Variants in ACACB observed in about 807,000 individuals in gnomAD.
ACACB encodes acetyl-CoA carboxylase beta.
In ACACB, 209 loss-of-function variants were observed where a neutral mutation model predicts 278.8. That is an observed-to-expected ratio of 0.75 (90% CI 0.67 to 0.84). The LOEUF (loss-of-function observed/expected upper bound fraction) is 0.84. ACACB is among the 40% of genes least tolerant of loss of function. ACACB has a pLI of 0.00. For missense variants in ACACB, 2,850 were observed against 3,269.0 expected, an observed-to-expected ratio of 0.87 and a Z score of 3.13; for synonymous variants, 1,174 against 1,285.6, an observed-to-expected ratio of 0.91 and a Z score of 1.86.
chr12:109,224,341 G>A (rs1261473925), intron 27 of ACACB, among the ~76,000 whole-genome samples: 3 of 151,612 alleles, frequency 2.0e-5, no homozygotes. Flanking sequence ...AGGAGCCCAG[G>A]TGACAACTTA....
Position 109,241,181 on chromosome 12 carries a change from C to G in ACACB, c.4922C>G (p.Thr1641Ser). The G allele has an allele frequency of 2.5e-6, 4 of 1,614,190 alleles. No homozygotes were observed. The highest frequency in any genetic ancestry group is 3.4e-6 in the Non-Finnish European group (4 of 1,180,032). Residue 1641 changes from threonine (T) to serine (S), a missense_variant, in exon 36 of 53, where the codon ACC becomes AGC. By Grantham distance (58) the Thr-to-Ser change is moderately conservative. Transcript: ENST00000338432. ...AAGATCAACATCCGCCAGACCACCACCGGCAGTGCCGTTCCCATCCGCCTG... is the reference window on the plus strand; with the variant it reads ...AAGATCAACATCCGCCAGACCACCAGCGGCAGTGCCGTTCCCATCCGCCTG... ...EVKINIRQTT[T>S]GSAVPIRLFI...
At chr12:109,201,767 G>A in intron 19 of ACACB, 66 bp downstream of exon 19, 2 of 1,576,132 alleles carry the variant, frequency 1.3e-6, no homozygotes, top group South Asian at 2.3e-5. Context: ...CACTGGTTCA[G>A]TGAGACAGGT....
chr12:109,129,544 A>G (rs757832660), intron 1 of ACACB, among the ~76,000 whole-genome samples: 25 of 152,266 alleles, frequency 1.6e-4, no homozygotes, highest in Admixed American at 7.2e-4. Context: ...AATAACTGAA[A>G]AAATGGTCTC....
chr12:109,258,360 C>G lies in ACACB; in HGVS notation c.6356C>G (p.Ala2119Gly), dbSNP rs140894382. The change falls in exon 46 of 53, where the codon GCC becomes GGC. Residue 2119 changes from alanine to glycine, a missense_variant. Transcript: ENST00000338432. ...PADPANLDSE[A>G]KIIQQAGQVW... ...GACCCTGCCAACCTGGATTCTGAGG[C>G]CAAGGTGAGGGGGCCGGGAGCTGTG... 6.2e-7 allele frequency: 1 copy of G among 1,610,656 alleles called. No homozygotes were observed. Among genetic ancestry groups the G allele is most frequent in the Non-Finnish European group, 8.5e-7 (1 of 1,179,322 alleles).
rs2043062291 is a variant in ACACB at position 109,139,980 on chromosome 12, G to GTT, written c.575_576insTT (p.Arg193SerfsTer14). The GTT allele has an allele frequency of 4.3e-6, 7 of 1,613,422 alleles. No homozygotes were observed. Among genetic ancestry groups the GTT allele is most frequent in the Middle Eastern group, 3.3e-4 (2 of 6,082 alleles). ...TCTCGTGAGTCTACCCGGAAGGGCA[G>GTT]CCGGGCCAGCTTGGGGGCCCTGTCC... On this transcript the variant is annotated frameshift_variant, in exon 2 of 53. Coordinates refer to ENST00000338432, the MANE Select transcript of ACACB (RefSeq NM_001093.4). LOFTEE classifies it high-confidence loss of function.
intron 1 of ACACB, among the ~76,000 whole-genome samples, chr12:109,123,555 T>G (rs1441029462): frequency 6.6e-6 from 1 of 151,832 alleles, no homozygotes; most frequent in Non-Finnish European, 1.5e-5. Context: ...TAGCCAGGCC[T>G]GGTGGCATGC....
chr12:109,264,997 A>C, intron 50 of ACACB, 113 bp from the exon 51 acceptor site: 2 of 1,190,676 alleles, frequency 1.7e-6, no homozygotes, highest in Non-Finnish European at 2.4e-6. Flanking sequence ...TGATCTGGGA[A>C]TGATCTCAGA....
intron 28 of ACACB, among the ~76,000 whole-genome samples, chr12:109,232,428 T>C (rs900446278): frequency 6.6e-6 from 1 of 152,242 alleles, no homozygotes; most frequent in Admixed American, 6.5e-5. Context: ...TGGACTCTCA[T>C]GCATGAATCA....
intron 1 of ACACB, among the ~76,000 whole-genome samples, chr12:109,129,917 G>A (rs574923665): frequency 8.5e-5 from 13 of 152,350 alleles, no homozygotes; most frequent in Admixed American, 7.8e-4. Context: ...CACCTGCCTG[G>A]TTCTTTCTGT....
At chr12:109,193,778 A>C (rs1199148102) in intron 16 of ACACB, 49 bp downstream of exon 16, 2 of 1,514,948 alleles carry the variant, frequency 1.3e-6, no homozygotes, top group South Asian at 2.3e-5. Context: ...TGCAAGCTTC[A>C]GGGAGTTTCT....
chr12:109,114,239 G>A (rs933205996), upstream of ACACB, among the ~76,000 whole-genome samples: 1 of 152,150 alleles, frequency 6.6e-6, no homozygotes, highest in African/African-American at 2.4e-5. Flanking sequence ...AAATATTGGT[G>A]AGCGGAGCAG....
At chr12:109,184,851 T>G (rs2044599301) in intron 11 of ACACB, among the ~76,000 whole-genome samples, 1 of 151,932 alleles carries the variant, frequency 6.6e-6, no homozygotes, top group Non-Finnish European at 1.5e-5. Context: ...GGACCACAGG[T>G]GCAAGTCACC....
chr12:109,188,243 C>T, intron 13 of ACACB, 81 bp downstream of exon 13: 1 of 1,343,634 alleles, frequency 7.4e-7, no homozygotes, highest in Non-Finnish European at 1.0e-6. Context: ...CCCTCTCTCC[C>T]TTCTTCCCCT....
chr12:109,244,136 T>C (rs544436462), intron 37 of ACACB, among the ~76,000 whole-genome samples: 1 of 152,142 alleles, frequency 6.6e-6, no homozygotes, highest in South Asian at 2.1e-4. Flanking sequence ...GCAAACAAAT[T>C]TACAAGAAAA....
intron 2 of ACACB, among the ~76,000 whole-genome samples, chr12:109,140,325 TC>T (rs879808409): frequency 0.059 from 8,300 of 141,302 alleles, 881 homozygotes; most frequent in East Asian, 0.31. Flanking sequence ...CTTCCTTCCT[TC>T]CTTCCTTCCT....
intron 44 of ACACB, among the ~76,000 whole-genome samples, chr12:109,254,630 C>T (rs11065994): frequency 3.3e-5 from 5 of 152,022 alleles, no homozygotes; most frequent in Admixed American, 6.5e-5. Context: ...CTCCATGCTC[C>T]GTGGTCTCTA....
chr12:109,242,358 A>G lies in ACACB; in HGVS notation c.5023-79A>G, dbSNP rs2046822949. On this transcript the variant is annotated intron_variant, in intron 36 of 52. Transcript: ENST00000338432. Reference sequence around the variant, plus strand: ...CTTTGCTTCCCCCACCTGCATTTTCATTGAGGACTGGGCAGAAATAAATTG... The same window carrying G: ...CTTTGCTTCCCCCACCTGCATTTTCGTTGAGGACTGGGCAGAAATAAATTG... The G allele has an allele frequency of 1.5e-5, 23 of 1,501,370 alleles. 1 individual carries two copies. The South Asian group carries it at 2.9e-4, about 19-fold the overall frequency. 93.0% of individuals were successfully genotyped at this position (1,501,370 alleles called of 1,614,324 possible).
In ACACB at chr12:109,238,343, T is replaced by C. The variant is rs1421126389; in HGVS notation, c.4662+963T>C. 2.6e-5 allele frequency among the ~76,000 whole-genome samples: 3 copies of C among 116,586 alleles called. No homozygotes were observed. In the Admixed American group the frequency reaches 2.6e-4, roughly 10 times the overall value. 76.5% of individuals were successfully genotyped at this position (116,586 alleles called of 152,430 possible). ...CCTTGCATGGATGTACCGTGTATAA[T>C]TTTTTTTTTTTTTTTACTAATCCCC... On this transcript the variant is annotated intron_variant, in intron 34 of 52. Coordinates refer to ENST00000338432, the MANE Select transcript of ACACB (RefSeq NM_001093.4).
intron 49 of ACACB, chr12:109,263,188 T>C (rs1374399436): frequency 6.6e-6 from 1 of 151,916 alleles, no homozygotes; most frequent in Non-Finnish European, 1.5e-5. Flanking sequence ...TTTATTTGTT[T>C]ATTTTTGAGA....
Sources: allele counts gnomAD v4.1 joint callset (sites outside exome capture counted in the v4.1 genomes callset), GRCh38; gene constraint gnomAD v4.1.1; transcripts MANE v1.5; gene names NCBI Gene and HGNC (gene_info 2026-07-23, HGNC 2026-07-21).